The following CACNG2 variants were observed in gnomAD, a reference collection of about 807,000 sequenced individuals.
CACNG2 encodes the protein voltage-dependent calcium channel gamma-2 subunit.
Under a neutral mutation model 25.9 loss-of-function variants are expected in CACNG2, and 3 were observed. The ratio of observed to expected loss-of-function variants is 0.12; its 90% CI spans 0.05 to 0.30. The LOEUF (loss-of-function observed/expected upper bound fraction) is 0.30. Ranked by LOEUF, CACNG2 falls within the 10% of genes least tolerant of loss-of-function variation. CACNG2 has a pLI of 1.00. For synonymous variants in CACNG2, 167 were observed against 173.3 expected (o/e 0.96, Z 0.29); for missense variants, 341 against 432.5 (o/e 0.79, Z 1.88).
chr22:36,566,693 C>T lies in CACNG2; in HGVS notation c.296-200G>A, dbSNP rs1033136179. Reference sequence around the variant, plus strand: ...CTCACAGCCCTGCAGGAGCTCCCCACTGCCTCCAGGGCCAAACTCCAGCAC... The same window carrying T: ...CTCACAGCCCTGCAGGAGCTCCCCATTGCCTCCAGGGCCAAACTCCAGCAC... On this transcript the variant is annotated intron_variant, in intron 2 of 3. Coordinates refer to ENST00000300105, the MANE Select transcript of CACNG2 (RefSeq NM_006078.5). Among the ~76,000 whole-genome samples the T allele has an allele frequency of 2.0e-5, 3 of 152,206 alleles. No individual in the cohort carries two copies. In the East Asian group the frequency reaches 5.8e-4, roughly 29 times the overall value.
intron 1 of CACNG2, among the ~76,000 whole-genome samples, chr22:36,673,708 G>A (rs1244552018): frequency 6.6e-6 from 1 of 152,128 alleles, no homozygotes; most frequent in Admixed American, 6.5e-5. Context: ...GTAGGAGAGA[G>A]GGGCTTCGGC....
At chr22:36,573,471 C>T (rs1935265743) in intron 2 of CACNG2, among the ~76,000 whole-genome samples, 2 of 152,114 alleles carry the variant, frequency 1.3e-5, no homozygotes, top group South Asian at 4.1e-4. Flanking sequence ...GCTTAGATTA[C>T]AGGCCATGTG....
At chr22:36,585,225 A>G (rs1043490114) in intron 2 of CACNG2, 3 of 152,102 alleles carry the variant, frequency 2.0e-5, no homozygotes, top group African/African-American at 7.2e-5. Context: ...GGGGATCCCG[A>G]GTGTGAACCA....
At chr22:36,589,965 T>C (rs1935561563) in intron 1 of CACNG2, among the ~76,000 whole-genome samples, 1 of 152,188 alleles carries the variant, frequency 6.6e-6, no homozygotes, top group Non-Finnish European at 1.5e-5. Flanking sequence ...ATCTGACAAA[T>C]ATTTCAGCAA....
At chr22:36,595,822 G>A (rs574325637) in intron 1 of CACNG2, among the ~76,000 whole-genome samples, 2 of 152,328 alleles carry the variant, frequency 1.3e-5, no homozygotes, top group South Asian at 2.1e-4. Context: ...CCCACCAACC[G>A]CCAGGCTGAG....
chr22:36,648,139 T>G (rs553855502), intron 1 of CACNG2, among the ~76,000 whole-genome samples: 1 of 152,342 alleles, frequency 6.6e-6, no homozygotes, highest in South Asian at 2.1e-4. Context: ...GTTAACAACA[T>G]TGCCCAGCTC....
At chr22:36,642,376 C>T (rs1184927231) in intron 1 of CACNG2, among the ~76,000 whole-genome samples, 2 of 152,162 alleles carry the variant, frequency 1.3e-5, no homozygotes, top group African/African-American at 4.8e-5. Context: ...ATTCATATTG[C>T]CTAGTAATCT....
chr22:36,643,244 C>G (rs1317503716), intron 1 of CACNG2, among the ~76,000 whole-genome samples: 3 of 145,198 alleles, frequency 2.1e-5, no homozygotes, highest in Non-Finnish European at 4.5e-5. Context: ...TTTTGTCTTT[C>G]TCTTCTTTCT....
intron 1 of CACNG2, among the ~76,000 whole-genome samples, chr22:36,598,342 G>C (rs1935706128): frequency 3.3e-5 from 5 of 152,236 alleles, no homozygotes; most frequent in Non-Finnish European, 1.5e-5. Flanking sequence ...ACCTGGCCAG[G>C]CATGGTGGTT....
At chr22:36,647,931 A>T (rs1479297915) in intron 1 of CACNG2, among the ~76,000 whole-genome samples, 1 of 152,254 alleles carries the variant, frequency 6.6e-6, no homozygotes, top group African/African-American at 2.4e-5. Flanking sequence ...TGAAAGCAGG[A>T]AATGGATTGC....
intron 1 of CACNG2, among the ~76,000 whole-genome samples, chr22:36,663,526 T>C (rs926717245): frequency 6.7e-6 from 1 of 150,144 alleles, no homozygotes; most frequent in African/African-American, 2.4e-5. Context: ...GCAATATTAA[T>C]AAATGACAGA....
intron 1 of CACNG2, among the ~76,000 whole-genome samples, chr22:36,637,574 T>C (rs1402621590): frequency 1.3e-5 from 2 of 152,134 alleles, no homozygotes; most frequent in African/African-American, 4.8e-5. Context: ...CTCACCGCAC[T>C]CCACACTGTC....
At chr22:36,670,340 C>A (rs1299650784) in intron 1 of CACNG2, among the ~76,000 whole-genome samples, 2 of 152,146 alleles carry the variant, frequency 1.3e-5, no homozygotes, top group African/African-American at 4.8e-5. Flanking sequence ...CTGTTAATTA[C>A]AAACAAAATG....
intron 1 of CACNG2, among the ~76,000 whole-genome samples, chr22:36,650,674 GC>G (rs1936597744): frequency 6.6e-6 from 1 of 152,106 alleles, no homozygotes; most frequent in Admixed American, 6.5e-5. Context: ...ACTGCACCTA[GC>G]CCATTCTATT....
chr22:36,619,338 A>G (rs1936071982), intron 1 of CACNG2, among the ~76,000 whole-genome samples: 1 of 152,258 alleles, frequency 6.6e-6, no homozygotes, highest in South Asian at 2.1e-4. Flanking sequence ...CATTATCACT[A>G]GGTGCAAATT....
At chr22:36,607,645 A>T (rs1054981740) in intron 1 of CACNG2, among the ~76,000 whole-genome samples, 2 of 150,208 alleles carry the variant, frequency 1.3e-5, no homozygotes, top group African/African-American at 2.5e-5. Flanking sequence ...TGAGAGCGGA[A>T]ATAGCTCGTG....
rs117361243 is a variant in CACNG2 at position 36,598,614 on chromosome 22, G to A, written c.212-11066C>T. 1.6e-3 allele frequency among the ~76,000 whole-genome samples: 241 copies of A among 151,066 alleles called. 2 individuals carry two copies. Among genetic ancestry groups the A allele is most frequent in the East Asian group, 9.2e-3 (46 of 5,010 alleles). On this transcript the variant is annotated intron_variant, in intron 1 of 3. Transcript: ENST00000300105. Reference sequence around the variant, plus strand: ...GCCTTGGTGACAAGAGCAAGAATCCGTCTAAAAACAAAACAAAACAACTCC... The same window carrying A: ...GCCTTGGTGACAAGAGCAAGAATCCATCTAAAAACAAAACAAAACAACTCC...
chr22:36,629,713 A>G (rs1936238643), intron 1 of CACNG2, among the ~76,000 whole-genome samples: 1 of 152,202 alleles, frequency 6.6e-6, no homozygotes. Flanking sequence ...TCATTCATTC[A>G]GCACATATAT....
rs1935066627 is a variant in CACNG2, at chr22:36,563,628, C to T, written c.*723G>A. Among the ~76,000 whole-genome samples, 1 of 152,108 alleles carries T rather than the reference C, an allele frequency of 6.6e-6. No individual in the cohort carries two copies. Among genetic ancestry groups the T allele is most frequent in the South Asian group, 2.1e-4 (1 of 4,830 alleles). ...AGAGGAGGGACAAGGGCTCGGTCACCTGGAGGCCTACGATTGCCCCATCAA... is the reference window on the plus strand; with the variant it reads ...AGAGGAGGGACAAGGGCTCGGTCACTTGGAGGCCTACGATTGCCCCATCAA... On this transcript the variant is annotated 3_prime_UTR_variant, in exon 4 of 4. Coordinates refer to ENST00000300105, the MANE Select transcript of CACNG2 (RefSeq NM_006078.5).
Sources: gnomAD v4.1 joint callset for allele counts (sites outside exome capture counted in the v4.1 genomes callset) on GRCh38, gnomAD v4.1.1 for gene constraint, MANE v1.5 for transcripts, NCBI Gene and HGNC (gene_info 2026-07-23, HGNC 2026-07-21) for gene names.